SHROOM3: variants seen among roughly 807,000 people sequenced by gnomAD.
The protein encoded by SHROOM3 is shroom family member 3.
Under a neutral mutation model 138.6 loss-of-function variants are expected in SHROOM3, and 47 were observed. The ratio of observed to expected loss-of-function variants is 0.34; its 90% CI spans 0.27 to 0.43. SHROOM3 has a LOEUF of 0.43. Among genes scored for constraint, SHROOM3 ranks in the 20% least tolerant of loss-of-function variants. The pLI, the probability that SHROOM3 is intolerant of heterozygous loss-of-function variation, is 1.00. For synonymous variants in SHROOM3, 1,062 were observed against 1,063.3 expected (o/e 1.00, Z 0.02); for missense variants, 2,491 against 2,596.5 (o/e 0.96, Z 0.88).
chr4:76,590,866 AG>A (rs1177273774), intron 2 of SHROOM3, among the ~76,000 whole-genome samples: 5 of 152,072 alleles, frequency 3.3e-5, no homozygotes, highest in Non-Finnish European at 7.4e-5. Flanking sequence ...TCCTGTCGGC[AG>A]CTGCATTTTT....
chr4:76,768,455 T>C (rs950622317), intron 9 of SHROOM3, among the ~76,000 whole-genome samples: 2 of 152,144 alleles, frequency 1.3e-5, no homozygotes, highest in African/African-American at 4.8e-5. Flanking sequence ...TAATTAATAT[T>C]AAGCAATTTT....
At chr4:76,632,161 T>C (rs1016536479) in intron 2 of SHROOM3, among the ~76,000 whole-genome samples, 1 of 152,130 alleles carries the variant, frequency 6.6e-6, no homozygotes, top group Non-Finnish European at 1.5e-5. Flanking sequence ...GATAGACCAA[T>C]CTGACATCCG....
Position 76,477,161 on chromosome 4 carries a change from G to A in SHROOM3, c.168+40941G>A, listed in dbSNP as rs566622865. 7.0e-4 allele frequency among the ~76,000 whole-genome samples: 107 copies of A among 152,138 alleles called. 1 individual carries two copies. The highest frequency in any genetic ancestry group is 3.4e-3 in the Middle Eastern group (1 of 294). On this transcript the variant is annotated intron_variant, in intron 1 of 10. Coordinates refer to ENST00000296043, the MANE Select transcript of SHROOM3 (RefSeq NM_020859.4). ...TTTTAATATTTTTAGTAGAGATGGG[G>A]TTTCACCGTGTTAGCCAGGATGGTC...
Position 76,750,088 on chromosome 4 carries a change from T to C in SHROOM3, c.3827+998T>C, listed in dbSNP as rs573811286. Among the ~76,000 whole-genome samples the C allele has an allele frequency of 3.9e-5, 6 of 152,316 alleles. No homozygotes were observed. In the South Asian group the frequency reaches 1.2e-3, roughly 32 times the overall value. On this transcript the variant is annotated intron_variant, in intron 6 of 10. Transcript: ENST00000296043. ...GGTCAGGAAGTAGGTATTAATTACC[T>C]GCTTTCTAGCCAAGATCAGCCTTCT...
chr4:76,528,728 T>C (rs2110014458), intron 1 of SHROOM3, among the ~76,000 whole-genome samples: 1 of 152,190 alleles, frequency 6.6e-6, no homozygotes, highest in East Asian at 1.9e-4. Context: ...AATTTTTGTA[T>C]TTATTAGTAG....
intron 2 of SHROOM3, among the ~76,000 whole-genome samples, chr4:76,654,166 G>A (rs1244909382): frequency 3.3e-5 from 5 of 152,172 alleles, no homozygotes; most frequent in Non-Finnish European, 7.3e-5. Context: ...AGGAGGTGAG[G>A]ACACTGAAGC....
At chr4:76,481,265 A>C (rs980934998) in intron 1 of SHROOM3, among the ~76,000 whole-genome samples, 5 of 152,232 alleles carry the variant, frequency 3.3e-5, no homozygotes, top group Non-Finnish European at 7.3e-5. Flanking sequence ...GGGAAGCATC[A>C]AATAGATACA....
At chr4:76,633,943 G>A (rs1735417056) in intron 2 of SHROOM3, among the ~76,000 whole-genome samples, 1 of 152,160 alleles carries the variant, frequency 6.6e-6, no homozygotes, top group African/African-American at 2.4e-5. Flanking sequence ...GGTATAGAAT[G>A]ACATAGATGT....
intron 1 of SHROOM3, among the ~76,000 whole-genome samples, chr4:76,468,098 G>A (rs1731283389): frequency 6.6e-6 from 1 of 152,246 alleles, no homozygotes; most frequent in Non-Finnish European, 1.5e-5. Context: ...CTGGGAAAGT[G>A]TGCTGTTAAC....
At chr4:76,717,049 G>GA (rs1253945261) in intron 3 of SHROOM3, among the ~76,000 whole-genome samples, 2 of 152,144 alleles carry the variant, frequency 1.3e-5, no homozygotes, top group African/African-American at 4.8e-5. Context: ...GTTTACCTGA[G>GA]AAAGACTTTA....
intron 1 of SHROOM3, among the ~76,000 whole-genome samples, chr4:76,454,416 A>T (rs994394325): frequency 6.6e-6 from 1 of 152,204 alleles, no homozygotes; most frequent in African/African-American, 2.4e-5. Flanking sequence ...TTTTTTCAAC[A>T]CATATTTCCT....
At chr4:76,665,823 C>T (rs530118390) in intron 2 of SHROOM3, among the ~76,000 whole-genome samples, 6 of 152,188 alleles carry the variant, frequency 3.9e-5, no homozygotes, top group East Asian at 1.9e-4. Context: ...AATTCAAAAC[C>T]TCTCTCTCCT....
At chr4:76,526,950 C>T (rs1732702447) in intron 1 of SHROOM3, among the ~76,000 whole-genome samples, 1 of 152,174 alleles carries the variant, frequency 6.6e-6, no homozygotes, top group African/African-American at 2.4e-5. Context: ...CCCAATATCC[C>T]TGAACAATGG....
At chr4:76,690,548 T>C (rs1271537515) in intron 2 of SHROOM3, among the ~76,000 whole-genome samples, 1 of 152,234 alleles carries the variant, frequency 6.6e-6, no homozygotes, top group Non-Finnish European at 1.5e-5. Flanking sequence ...TTCTGTGCAT[T>C]TTCTGTTTTT....
At chr4:76,701,325 A>G (rs1719896838) in intron 2 of SHROOM3, among the ~76,000 whole-genome samples, 1 of 152,152 alleles carries the variant, frequency 6.6e-6, no homozygotes, top group Admixed American at 6.5e-5. Flanking sequence ...TACTGTATCA[A>G]TGGACTTTTA....
rs544730185 is a variant in SHROOM3, at chr4:76,650,133, T to C, written c.324-60023T>C. On this transcript the variant is annotated intron_variant, in intron 2 of 10. Coordinates refer to ENST00000296043, the MANE Select transcript of SHROOM3 (RefSeq NM_020859.4). Reference sequence around the variant, plus strand: ...AATCCTATCTGATCAGGGCCCTACCTTTAAGACCTTATCTCCAAATACGGC... The same window carrying C: ...AATCCTATCTGATCAGGGCCCTACCCTTAAGACCTTATCTCCAAATACGGC... 8.5e-5 allele frequency among the ~76,000 whole-genome samples: 13 copies of C among 152,312 alleles called. No individual in the cohort carries two copies. In the East Asian group the frequency reaches 2.1e-3, roughly 25 times the overall value.
At chr4:76,498,027 G>A (rs529708704) in intron 1 of SHROOM3, among the ~76,000 whole-genome samples, 1 of 152,250 alleles carries the variant, frequency 6.6e-6, no homozygotes, top group South Asian at 2.1e-4. Context: ...GGTTTTAGCA[G>A]GGAAGCAATG....
At chr4:76,747,709 T>A (rs1389265) in intron 5 of SHROOM3, among the ~76,000 whole-genome samples, 33,873 of 152,068 alleles carry the variant, frequency 0.22, 3,920 homozygotes, top group African/African-American at 0.24. Context: ...GAAAAGACTT[T>A]TAAAGGACCA....
chr4:76,613,892 G>A (rs1216867114), intron 2 of SHROOM3, among the ~76,000 whole-genome samples: 3 of 152,150 alleles, frequency 2.0e-5, no homozygotes, highest in Non-Finnish European at 2.9e-5. Flanking sequence ...GTCAACCCCC[G>A]TATTTTACAG....
Sources: allele counts gnomAD v4.1 joint callset (sites outside exome capture counted in the v4.1 genomes callset), GRCh38; gene constraint gnomAD v4.1.1; transcripts MANE v1.5; gene names NCBI Gene and HGNC (gene_info 2026-07-23, HGNC 2026-07-21).